FREM3: variants seen among roughly 807,000 people sequenced by gnomAD.
The protein encoded by FREM3 is FRAS1 related extracellular matrix 3.
FREM3 carries 105 observed loss-of-function variants against 129.1 expected under a neutral mutation model. The ratio of observed to expected loss-of-function variants is 0.81; its 90% CI spans 0.69 to 0.96. The LOEUF is 0.96. FREM3 is among the 40% of genes least tolerant of loss of function. FREM3 has a pLI of 0.00. For synonymous variants in FREM3, 1,014 were observed against 1,044.9 expected (o/e 0.97, Z 0.57); for missense variants, 2,593 against 2,666.3 (o/e 0.97, Z 0.61).
At chr4:143,665,424 T>C (rs1189739283) in intron 2 of FREM3, among the ~76,000 whole-genome samples, 1 of 152,154 alleles carries the variant, frequency 6.6e-6, no homozygotes, top group Non-Finnish European at 1.5e-5. Flanking sequence ...TTCTGTGTCA[T>C]ATCCCAGTTG....
chr4:143,595,712 C>T (rs949271124), intron 6 of FREM3, among the ~76,000 whole-genome samples: 1 of 151,800 alleles, frequency 6.6e-6, no homozygotes, highest in Non-Finnish European at 1.5e-5. Context: ...ACGGTGAAAC[C>T]CCGTCTCTAC....
rs191251133 is a variant in FREM3, at chr4:143,610,050, A to T, written c.6028+1229T>A. Among the ~76,000 whole-genome samples the T allele has an allele frequency of 3.5e-3, 536 of 152,330 alleles. 1 individual carries two copies. The highest frequency in any genetic ancestry group is 0.013 in the African/African-American group (520 of 41,572). On this transcript the variant is annotated intron_variant, in intron 6 of 7. Transcript: ENST00000329798. Reference sequence around the variant, plus strand: ...GAAAAACAATCTTTGTTTTAATTCCAATGAAGAAATTTTTGAAAAGAAAAG... The same window carrying T: ...GAAAAACAATCTTTGTTTTAATTCCTATGAAGAAATTTTTGAAAAGAAAAG...
At chr4:143,671,054 C>A (rs952632343) in intron 2 of FREM3, among the ~76,000 whole-genome samples, 1 of 152,002 alleles carries the variant, frequency 6.6e-6, no homozygotes. Flanking sequence ...AAAAAGTCTC[C>A]CTCCAAATCA....
In FREM3 at chr4:143,699,937, G is replaced by C. The variant is rs1270696846; in HGVS notation, c.739C>G (p.Arg247Gly). ...GTGTGCTGATAGCGCACCCCAGCAC[G>C]GAGGAAAGCCTCACAGTCTACGCCC... is the stretch of plus-strand genomic sequence containing the variant. ...GKGVDCEAFL[R>G]AGVRYQHTAT... Residue 247 changes from arginine to glycine, a missense_variant, in exon 1 of 8, where the codon CGT becomes GGT. Arg to Gly is a moderately radical substitution (Grantham distance 125). This residue lies in a region of FREM3 where 2,276 missense variants were observed against 2,267.2 expected (regional missense o/e 1.00). Coordinates refer to ENST00000329798, the MANE Select transcript of FREM3 (RefSeq NM_001168235.2). This position sits in a 1 kb window ranked among gnomAD's most constrained non-coding sequence, Gnocchi z 4.2. 2.0e-6 allele frequency: 3 copies of C among 1,533,012 alleles called. No individual in the cohort carries two copies. Among genetic ancestry groups the C allele is most frequent in the South Asian group, 2.4e-5 (2 of 83,514 alleles). The allele number at this position is 1,533,012 out of a possible 1,614,324, so 95.0% of individuals were successfully genotyped here.
chr4:143,692,737 C>T (rs777450430), intron 2 of FREM3, among the ~76,000 whole-genome samples: 6 of 152,116 alleles, frequency 3.9e-5, no homozygotes, highest in Non-Finnish European at 7.4e-5. Flanking sequence ...AAAATCCCAA[C>T]AAAATCTGAA....
At position 143,667,426 on chromosome 4, in the gene FREM3, TA is replaced by T. The variant is rs910423805; in HGVS notation, c.5275+25686del. Among the ~76,000 whole-genome samples, 50 of 151,314 alleles carry T rather than the reference TA, an allele frequency of 3.3e-4. No homozygotes were observed. The East Asian group carries it at 4.2e-3, about 13-fold the overall frequency. ...CATTTCATATTAAATCAAACTACTTTAAAAAAAAAGGAACTGGGAAATCTAT... is the reference window on the plus strand; with the variant it reads ...CATTTCATATTAAATCAAACTACTTTAAAAAAAAGGAACTGGGAAATCTAT... On this transcript the variant is annotated intron_variant, in intron 2 of 7. Coordinates refer to ENST00000329798, the MANE Select transcript of FREM3 (RefSeq NM_001168235.2).
intron 2 of FREM3, among the ~76,000 whole-genome samples, chr4:143,661,386 T>C (rs1370905531): frequency 2.6e-5 from 4 of 152,148 alleles, no homozygotes; most frequent in South Asian, 2.1e-4. Flanking sequence ...TATGCTGGAT[T>C]ACATTTATTG....
chr4:143,588,509 T>C (rs1738285969), intron 6 of FREM3, among the ~76,000 whole-genome samples: 1 of 151,802 alleles, frequency 6.6e-6, no homozygotes, highest in African/African-American at 2.4e-5. Context: ...TTTTTTCTCC[T>C]CGCGATAGTT....
intron 2 of FREM3, among the ~76,000 whole-genome samples, chr4:143,684,726 G>A (rs1328852641): frequency 6.6e-6 from 1 of 152,242 alleles, no homozygotes; most frequent in Non-Finnish European, 1.5e-5. Context: ...ACCAGCGGAA[G>A]GCGAAGCCCA....
Position 143,697,781 on chromosome 4 carries a change from A to AGTG in FREM3, c.2892_2894dup (p.Thr965dup), listed in dbSNP as rs1740604468. On this transcript the variant is annotated inframe_insertion, in exon 1 of 8. Transcript: ENST00000329798. Reference sequence around the variant, plus strand: ...CATGGATGACACCCATGGTAATTTCAGTGGCTTTATTCTCTAGTACGTCTA... The same window carrying AGTG: ...CATGGATGACACCCATGGTAATTTCAGTGGTGGCTTTATTCTCTAGTACGTCTA... 1 of 1,537,502 alleles carries AGTG rather than the reference A, an allele frequency of 6.5e-7. No individual in the cohort carries two copies. Among genetic ancestry groups the AGTG allele is most frequent in the African/African-American group, 1.4e-5 (1 of 73,036 alleles).
chr4:143,636,906 T>A (rs1055423869), intron 2 of FREM3, among the ~76,000 whole-genome samples: 2 of 152,112 alleles, frequency 1.3e-5, no homozygotes, highest in African/African-American at 4.8e-5. Flanking sequence ...TTGGAAAAAA[T>A]TTTAGTTGAC....
rs111615393 is a variant in FREM3, at chr4:143,667,476, G to A, written c.5275+25637C>T. ...ATTACAAGTCTTGCCTCAAATAATC[G>A]TTGAACTCCAACATTATATCAGTCG... is the stretch of plus-strand genomic sequence containing the variant. On this transcript the variant is annotated intron_variant, in intron 2 of 7. Transcript: ENST00000329798. Among the ~76,000 whole-genome samples the A allele has an allele frequency of 9.1e-4, 138 of 151,922 alleles. 1 individual carries two copies. The highest frequency in any genetic ancestry group is 3.0e-3 in the African/African-American group (125 of 41,426).
At chr4:143,592,141 C>G (rs1410625217) in intron 6 of FREM3, among the ~76,000 whole-genome samples, 1 of 152,110 alleles carries the variant, frequency 6.6e-6, no homozygotes, top group Non-Finnish European at 1.5e-5. Flanking sequence ...TGTCTCTGCA[C>G]GTGAGATGGG....
At chr4:143,691,177 ATATTTTGGACTCTG>A (rs1740461205) in intron 2 of FREM3, among the ~76,000 whole-genome samples, 1 of 152,152 alleles carries the variant, frequency 6.6e-6, no homozygotes, top group African/African-American at 2.4e-5. Flanking sequence ...GTATCCTCAA[ATATTTTGGACTCTG>A]TGTTTGATCA....
At chr4:143,620,915 A>T in intron 5 of FREM3, 122 bp downstream of exon 5, 1 of 946,526 alleles carries the variant, frequency 1.1e-6, no homozygotes, top group Non-Finnish European at 1.6e-6. Context: ...ATGGACAATG[A>T]GGGGCCCAGG....
rs543401451 is a variant in FREM3 at position 143,593,339 on chromosome 4, C to T, written c.6029-7346G>A. On this transcript the variant is annotated intron_variant, in intron 6 of 7. Transcript: ENST00000329798. ...ATTTTTAGAGTTTCTGGTTTTTCTG[C>T]TCTGTTTTTTCCCCATCTTTGTGGT... 6.6e-5 allele frequency among the ~76,000 whole-genome samples: 10 copies of T among 152,306 alleles called. No individual in the cohort carries two copies. The East Asian group carries it at 1.5e-3, about 24-fold the overall frequency.
chr4:143,597,937 G>C (rs1204876751), intron 6 of FREM3, among the ~76,000 whole-genome samples: 1 of 152,224 alleles, frequency 6.6e-6, no homozygotes, highest in Non-Finnish European at 1.5e-5. Context: ...GGCAGATGCA[G>C]CATCTGGTAA....
intron 2 of FREM3, among the ~76,000 whole-genome samples, chr4:143,631,847 C>T (rs1214360436): frequency 6.6e-6 from 1 of 152,058 alleles, no homozygotes; most frequent in East Asian, 1.9e-4. Context: ...TAATGGTATT[C>T]TTTAGTAAAA....
intron 2 of FREM3, among the ~76,000 whole-genome samples, chr4:143,664,101 C>T (rs1019379721): frequency 3.9e-5 from 6 of 152,130 alleles, no homozygotes; most frequent in Non-Finnish European, 7.4e-5. Flanking sequence ...AGTCATTCTC[C>T]GTCCCGCTTT....
Sources: gnomAD v4.1 joint callset for allele counts (sites outside exome capture counted in the v4.1 genomes callset) on GRCh38, gnomAD v4.1.1 for gene constraint, gnomAD v4.1.1 regional missense constraint, Gnocchi (gnomAD v3.1) non-coding constraint, MANE v1.5 for transcripts, NCBI Gene and HGNC (gene_info 2026-07-23, HGNC 2026-07-21) for gene names.